Variants in CCDC3 observed in about 807,000 individuals in gnomAD.
The protein encoded by CCDC3 is coiled-coil domain-containing protein 3.
In CCDC3, 24 loss-of-function variants were observed where a neutral mutation model predicts 21.4. That is an observed-to-expected ratio of 1.12 (90% CI 0.81 to 1.58). The LOEUF (loss-of-function observed/expected upper bound fraction) is 1.58. CCDC3 is among the 40% of genes most tolerant of loss of function. The pLI, the probability that CCDC3 is intolerant of heterozygous loss-of-function variation, is 0.00. For missense variants in CCDC3, 425 were observed against 360.9 expected (o/e 1.18, Z -1.44); for synonymous variants, 186 against 166.0 (o/e 1.12, Z -0.93).
intron 4 of CCDC3, chr10:13,058,446 C>A: frequency 2.6e-6 from 2 of 759,944 alleles, no homozygotes; most frequent in Non-Finnish European, 4.8e-6. Flanking sequence ...TGTGCATATG[C>A]TGCGCAGACT....
intron 5 of CCDC3, among the ~76,000 whole-genome samples, chr10:13,040,686 G>GTCTC (rs200488655): frequency 7.6e-5 from 5 of 65,554 alleles, no homozygotes; most frequent in East Asian, 1.1e-3. Context: ...GCAAAACTCT[G>GTCTC]TCACACACAC....
chr10:12,915,596 T>C (rs1834340729), intron 2 of CCDC3, among the ~76,000 whole-genome samples: 1 of 152,168 alleles, frequency 6.6e-6, no homozygotes. Context: ...GAAGTAGAGA[T>C]TTATTTCAGT....
intron 5 of CCDC3, among the ~76,000 whole-genome samples, chr10:13,036,936 T>C (rs903772422): frequency 2.0e-5 from 3 of 152,088 alleles, no homozygotes; most frequent in African/African-American, 7.2e-5. Context: ...TGCACCACCA[T>C]GCCCAGCTGA....
intron 2 of CCDC3, among the ~76,000 whole-genome samples, chr10:12,972,435 C>T (rs147265418): frequency 6.6e-6 from 1 of 152,296 alleles, no homozygotes; most frequent in East Asian, 1.9e-4. Flanking sequence ...TGCTGGAGCT[C>T]TGACACCCTC....
intron 2 of CCDC3, 37 bp downstream of exon 2, chr10:12,998,301 T>C (rs775181341): frequency 5.6e-6 from 9 of 1,600,116 alleles, no homozygotes; most frequent in African/African-American, 1.3e-5. Context: ...AGCTATACTA[T>C]TGTTTTGCTG....
At chr10:12,924,752 G>A (rs1365156229) in intron 2 of CCDC3, 2 of 152,152 alleles carry the variant, frequency 1.3e-5, no homozygotes, top group African/African-American at 2.4e-5. Context: ...AAGATCTGAC[G>A]AGATCAGGTG....
chr10:12,932,708 A>G (rs1834667200), intron 2 of CCDC3, among the ~76,000 whole-genome samples: 1 of 152,156 alleles, frequency 6.6e-6, no homozygotes, highest in Non-Finnish European at 1.5e-5. Flanking sequence ...GTTGAAAAGC[A>G]GTTCTGACAG....
At chr10:13,014,100 G>A (rs1302463323) in intron 5 of CCDC3, among the ~76,000 whole-genome samples, 4 of 151,036 alleles carry the variant, frequency 2.6e-5, no homozygotes, top group East Asian at 3.9e-4. Flanking sequence ...GCAGTGAGCC[G>A]AGATCACGCC....
intron 2 of CCDC3, among the ~76,000 whole-genome samples, chr10:12,959,232 A>G (rs569224708): frequency 6.6e-6 from 1 of 151,612 alleles, no homozygotes; most frequent in Admixed American, 6.6e-5. Flanking sequence ...TAGTGATGCA[A>G]TCTCAGCTCA....
chr10:13,010,741 C>T (rs1225743518), intron 5 of CCDC3, among the ~76,000 whole-genome samples: 2 of 152,072 alleles, frequency 1.3e-5, no homozygotes, highest in African/African-American at 2.4e-5. Flanking sequence ...AAAAATAAAC[C>T]GTGGCCTGCA....
chr10:13,001,691 G>T lies in CCDC3; in HGVS notation c.-121C>A. The T allele has an allele frequency of 1.6e-6, 1 of 627,980 alleles. No individual in the cohort carries two copies. Among genetic ancestry groups the T allele is most frequent in the Non-Finnish European group, 2.0e-6 (1 of 495,362 alleles). The allele number at this position is 627,980 out of a possible 1,614,324, so 38.9% of individuals were successfully genotyped here. ...GCTCCCGGGAGCTGAGCGCACCGCT[G>T]TCTCCGCCACGGGGCTCGGCATGCC... On this transcript the variant is annotated 5_prime_UTR_variant, in exon 1 of 3. Transcript: ENST00000378825.
intron 5 of CCDC3, among the ~76,000 whole-genome samples, chr10:13,015,935 TA>T (rs1836052869): frequency 6.6e-6 from 1 of 152,040 alleles, no homozygotes; most frequent in Non-Finnish European, 1.5e-5. Context: ...CATTTAAGAA[TA>T]ACTAAGAGTA....
At chr10:13,062,959 C>A (rs896035874) in intron 4 of CCDC3, among the ~76,000 whole-genome samples, 4 of 91,174 alleles carry the variant, frequency 4.4e-5, no homozygotes, top group African/African-American at 8.7e-5. Flanking sequence ...AGACAGCTGA[C>A]TCACGGCCAT....
chr10:13,020,278 T>C (rs1251239607), intron 5 of CCDC3, among the ~76,000 whole-genome samples: 1 of 152,208 alleles, frequency 6.6e-6, no homozygotes, highest in Non-Finnish European at 1.5e-5. Flanking sequence ...GACTCAGCTA[T>C]TGTTTTTCTA....
At chr10:12,988,044 C>T (rs978456251) in intron 2 of CCDC3, among the ~76,000 whole-genome samples, 8 of 152,294 alleles carry the variant, frequency 5.3e-5, no homozygotes, top group East Asian at 1.9e-4. Context: ...CTCACCACGC[C>T]GTTCAATGGC....
At chr10:12,937,801 C>CCA (rs1834764238) in intron 2 of CCDC3, among the ~76,000 whole-genome samples, 2 of 152,152 alleles carry the variant, frequency 1.3e-5, no homozygotes, top group South Asian at 4.2e-4. Context: ...AGATGGGAGG[C>CCA]CACTACGGTC....
At chr10:12,934,937 T>C (rs906433051) in intron 2 of CCDC3, among the ~76,000 whole-genome samples, 23 of 151,996 alleles carry the variant, frequency 1.5e-4, no homozygotes, top group Non-Finnish European at 2.6e-4. Context: ...TCTTATCTTA[T>C]TATGTTACCC....
chr10:12,986,772 C>CA (rs201147153), intron 2 of CCDC3, among the ~76,000 whole-genome samples: 14,716 of 75,082 alleles, frequency 0.2, 1,001 homozygotes, highest in East Asian at 0.43. Context: ...GACTCCGTCT[C>CA]AAAAAAAAAA....
At chr10:12,903,060 G>T (rs1187197457) in intron 2 of CCDC3, among the ~76,000 whole-genome samples, 1 of 152,174 alleles carries the variant, frequency 6.6e-6, no homozygotes. Flanking sequence ...GTTTCAGTAG[G>T]AGCAAAAGAC....
Sources: gnomAD v4.1 joint callset for allele counts (sites outside exome capture counted in the v4.1 genomes callset) on GRCh38, gnomAD v4.1.1 for gene constraint, MANE v1.5 for transcripts, NCBI Gene and HGNC (gene_info 2026-07-23, HGNC 2026-07-21) for gene names.